The following SEMA6D variants were observed in gnomAD, a reference collection of about 807,000 sequenced individuals.
SEMA6D encodes semaphorin 6D.
SEMA6D carries 35 observed loss-of-function variants against 106.6 expected under a neutral mutation model. That is an observed-to-expected ratio of 0.33 (90% CI 0.25 to 0.44). SEMA6D has a LOEUF of 0.44. Among genes scored for constraint, SEMA6D ranks in the 20% least tolerant of loss-of-function variants. The pLI, the probability that SEMA6D is intolerant of heterozygous loss-of-function variation, is 1.00. For missense variants in SEMA6D, 1,185 were observed against 1,345.9 expected (o/e 0.88, Z 1.87); for synonymous variants, 499 against 487.7 (o/e 1.02, Z -0.31).
chr15:47,706,528 A>G (rs2078915361), intron 4 of SEMA6D, among the ~76,000 whole-genome samples: 1 of 152,248 alleles, frequency 6.6e-6, no homozygotes, highest in African/African-American at 2.4e-5. Context: ...CATTAATGAC[A>G]AATCATAAAA....
intron 3 of SEMA6D, among the ~76,000 whole-genome samples, chr15:47,594,736 T>C (rs2076504305): frequency 2.0e-5 from 3 of 152,238 alleles, no homozygotes; most frequent in Admixed American, 1.3e-4. Flanking sequence ...TCTAGAATAA[T>C]TAGAAATAGC....
At chr15:47,193,658 AAAAC>A (rs756858203) in intron 1 of SEMA6D, among the ~76,000 whole-genome samples, 1 of 152,138 alleles carries the variant, frequency 6.6e-6, no homozygotes, top group Non-Finnish European at 1.5e-5. Flanking sequence ...ATGAAAAACA[AAAAC>A]AAAAACAAAA....
chr15:47,718,397 C>T (rs953854931), intron 1 of SEMA6D: 6 of 152,406 alleles, frequency 3.9e-5, no homozygotes, highest in African/African-American at 1.4e-4. Flanking sequence ...TCAGTGAGCG[C>T]CCGGATTGCA....
chr15:47,473,569 C>T (rs1000014806), intron 3 of SEMA6D, among the ~76,000 whole-genome samples: 2 of 152,144 alleles, frequency 1.3e-5, no homozygotes, highest in Non-Finnish European at 2.9e-5. Flanking sequence ...AGATTTGGTA[C>T]CAGCATTATG....
chr15:47,527,730 G>A (rs1244825696), intron 3 of SEMA6D: 3 of 151,944 alleles, frequency 2.0e-5, no homozygotes, highest in Non-Finnish European at 4.4e-5. Context: ...CTGAAGAAAA[G>A]GAAAAATAAA....
chr15:47,199,729 ATC>A (rs780933958), intron 1 of SEMA6D, among the ~76,000 whole-genome samples: 73 of 152,118 alleles, frequency 4.8e-4, no homozygotes, highest in Middle Eastern at 3.4e-3. Context: ...ACTAAAATAT[ATC>A]TCTCCTCTCT....
chr15:47,332,620 C>G (rs953759535), intron 1 of SEMA6D, among the ~76,000 whole-genome samples: 1 of 152,140 alleles, frequency 6.6e-6, no homozygotes, highest in Non-Finnish European at 1.5e-5. Flanking sequence ...AGCTTTAAAT[C>G]AAAAACAACA....
intron 4 of SEMA6D, among the ~76,000 whole-genome samples, chr15:47,633,575 A>C (rs2077328845): frequency 6.6e-6 from 1 of 152,120 alleles, no homozygotes; most frequent in Admixed American, 6.5e-5. Flanking sequence ...TTCAGTTTTC[A>C]GAAGTTGAAT....
intron 4 of SEMA6D, among the ~76,000 whole-genome samples, chr15:47,655,927 A>T (rs2077784137): frequency 6.6e-6 from 1 of 152,260 alleles, no homozygotes; most frequent in African/African-American, 2.4e-5. Context: ...CGCATTCATT[A>T]CCAGGTGAGG....
chr15:47,551,436 C>T (rs1282166984), intron 3 of SEMA6D, among the ~76,000 whole-genome samples: 1 of 152,148 alleles, frequency 6.6e-6, no homozygotes, highest in Non-Finnish European at 1.5e-5. Flanking sequence ...AAGTAATACA[C>T]ACAGACTGGT....
chr15:47,681,838 G>A (rs1187710562), intron 4 of SEMA6D, among the ~76,000 whole-genome samples: 2 of 152,156 alleles, frequency 1.3e-5, no homozygotes, highest in East Asian at 3.9e-4. Flanking sequence ...TTGTATAACT[G>A]CTTCTCCATC....
intron 1 of SEMA6D, among the ~76,000 whole-genome samples, chr15:47,376,533 G>A (rs887397324): frequency 1.3e-5 from 2 of 152,192 alleles, no homozygotes; most frequent in Non-Finnish European, 2.9e-5. Context: ...CCGAGCACTA[G>A]TGTCGCCTAA....
rs535262461 is a variant in SEMA6D, at chr15:47,754,695, A to G, written c.-54-5050A>G. On this transcript the variant is annotated intron_variant, in intron 1 of 18. Transcript: ENST00000536845. ...ATCAGTTTTGAAAATGTGTGCAGCC[A>G]TTATCTTGTCAAATATTGCTTTAGT... Among the ~76,000 whole-genome samples, 5 of 152,274 alleles carry G rather than the reference A, an allele frequency of 3.3e-5. 1 individual carries two copies. The South Asian group carries it at 1.0e-3, about 32-fold the overall frequency.
chr15:47,761,567 C>T, intron 6 of SEMA6D, 94 bp from the exon 7 acceptor site: 1 of 1,277,702 alleles, frequency 7.8e-7, no homozygotes, highest in South Asian at 1.4e-5. Context: ...AGACAGAATT[C>T]TTCAAATGGA....
intron 4 of SEMA6D, among the ~76,000 whole-genome samples, chr15:47,697,465 C>T (rs1230341978): frequency 6.6e-6 from 1 of 152,130 alleles, no homozygotes; most frequent in Non-Finnish European, 1.5e-5. Context: ...ATCTCCTCTC[C>T]CACTAAGAAA....
chr15:47,707,744 T>C (rs1453512005), intron 4 of SEMA6D, among the ~76,000 whole-genome samples: 1 of 152,180 alleles, frequency 6.6e-6, no homozygotes, highest in African/African-American at 2.4e-5. Flanking sequence ...GGAAAATATG[T>C]TCCCGCTGTC....
At chr15:47,666,610 C>T (rs958680500) in intron 4 of SEMA6D, among the ~76,000 whole-genome samples, 2 of 152,132 alleles carry the variant, frequency 1.3e-5, no homozygotes, top group African/African-American at 4.8e-5. Context: ...TAAGTGGGTA[C>T]ACTACAGTGC....
chr15:47,602,542 T>C (rs1055817886), intron 4 of SEMA6D, among the ~76,000 whole-genome samples: 1 of 152,104 alleles, frequency 6.6e-6, no homozygotes, highest in Non-Finnish European at 1.5e-5. Context: ...ACTTTTTTTT[T>C]TTTCATTTAC....
chr15:47,426,042 A>G (rs1294084247), intron 2 of SEMA6D, among the ~76,000 whole-genome samples: 5 of 152,152 alleles, frequency 3.3e-5, no homozygotes, highest in Non-Finnish European at 7.4e-5. Context: ...TCTATATACT[A>G]ATAAATGCTA....
Sources: allele counts gnomAD v4.1 joint callset (sites outside exome capture counted in the v4.1 genomes callset), GRCh38; gene constraint gnomAD v4.1.1; transcripts MANE v1.5; gene names NCBI Gene and HGNC (gene_info 2026-07-23, HGNC 2026-07-21).